Variants in AGBL4 observed in about 807,000 individuals in gnomAD.
AGBL4 encodes AGBL carboxypeptidase 4, also known as cytosolic carboxypeptidase 6.
A neutral mutation model predicts 66.4 loss-of-function variants in AGBL4; 58 were observed. The ratio of observed to expected loss-of-function variants is 0.87; its 90% CI spans 0.71 to 1.09. The LOEUF (loss-of-function observed/expected upper bound fraction) is 1.09. Ranked by LOEUF, AGBL4 falls within the 50% of genes least tolerant of loss-of-function variation. The probability of loss-of-function intolerance (pLI) is 0.00; values close to 1 mark genes in which losing one functional copy is unlikely to be tolerated. For missense variants in AGBL4, 579 were observed against 631.0 expected (o/e 0.92, Z 0.88); for synonymous variants, 234 against 222.9 (o/e 1.05, Z -0.44).
At chr1:48,847,484 G>A (rs1646947191) in intron 6 of AGBL4, among the ~76,000 whole-genome samples, 2 of 151,632 alleles carry the variant, frequency 1.3e-5, no homozygotes, top group South Asian at 4.2e-4. Context: ...GTGATCCTGA[G>A]TGAATCACAC....
intron 6 of AGBL4, among the ~76,000 whole-genome samples, chr1:48,856,960 T>C (rs1175055861): frequency 2.0e-5 from 3 of 152,138 alleles, no homozygotes; most frequent in Non-Finnish European, 2.9e-5. Context: ...ACAGATGAAG[T>C]GATATTTCTA....
At chr1:49,752,722 A>G (rs943048676) in intron 2 of AGBL4, among the ~76,000 whole-genome samples, 5 of 152,162 alleles carry the variant, frequency 3.3e-5, no homozygotes, top group African/African-American at 1.2e-4. Context: ...GTAGGTCTCA[A>G]AAAACTTGCT....
chr1:49,706,912 T>C (rs1045115095), intron 2 of AGBL4, among the ~76,000 whole-genome samples: 2 of 152,200 alleles, frequency 1.3e-5, no homozygotes, highest in African/African-American at 4.8e-5. Context: ...TGAAAGACTG[T>C]TTCTTATGAT....
chr1:49,922,462 G>A (rs186667236), intron 1 of AGBL4, among the ~76,000 whole-genome samples: 5 of 152,154 alleles, frequency 3.3e-5, no homozygotes, highest in East Asian at 1.9e-4. Flanking sequence ...CAGGGCAATC[G>A]GGAGAGAGAA....
chr1:48,709,522 A>G (rs1646930766), intron 6 of AGBL4, among the ~76,000 whole-genome samples: 1 of 151,922 alleles, frequency 6.6e-6, no homozygotes, highest in South Asian at 2.1e-4. Flanking sequence ...CTTGCATTGC[A>G]CTTTACTTTT....
At chr1:49,202,944 A>C (rs893105604) in intron 4 of AGBL4, among the ~76,000 whole-genome samples, 6 of 152,052 alleles carry the variant, frequency 3.9e-5, no homozygotes, top group African/African-American at 1.4e-4. Flanking sequence ...AATGGGAAAA[A>C]GAGTTGAACA....
chr1:48,742,763 T>A, intron 6 of AGBL4: 1 of 1,598,918 alleles, frequency 6.3e-7, no homozygotes, highest in South Asian at 1.1e-5. Flanking sequence ...TCCAGATCAA[T>A]GGCGGGACCT....
chr1:49,436,534 A>G (rs1393576615), intron 3 of AGBL4, among the ~76,000 whole-genome samples: 2 of 152,138 alleles, frequency 1.3e-5, no homozygotes, highest in Admixed American at 6.6e-5. Context: ...TCATCCATAT[A>G]TCCTCATTGA....
At chr1:49,698,870 T>G (rs1647035604) in intron 2 of AGBL4, among the ~76,000 whole-genome samples, 1 of 152,068 alleles carries the variant, frequency 6.6e-6, no homozygotes, top group African/African-American at 2.4e-5. Flanking sequence ...TATCTTAAAA[T>G]TACTGTGGCA....
At chr1:49,925,017 G>A (rs1038202975) in intron 1 of AGBL4, among the ~76,000 whole-genome samples, 8 of 152,198 alleles carry the variant, frequency 5.3e-5, no homozygotes, top group African/African-American at 1.9e-4. Flanking sequence ...GGGAAGAAGA[G>A]GAGCCAGGTA....
intron 1 of AGBL4, among the ~76,000 whole-genome samples, chr1:49,988,942 T>C (rs1365732463): frequency 2.0e-5 from 3 of 152,160 alleles, no homozygotes; most frequent in African/African-American, 7.2e-5. Flanking sequence ...TTTTTGAATA[T>C]CCAGATAACA....
At chr1:49,972,229 G>A (rs1408711643) in intron 1 of AGBL4, among the ~76,000 whole-genome samples, 1 of 151,836 alleles carries the variant, frequency 6.6e-6, no homozygotes, top group Admixed American at 6.6e-5. Flanking sequence ...TTTTTTAGAT[G>A]CATATATTGC....
chr1:49,304,139 T>C (rs1246418542), intron 3 of AGBL4, among the ~76,000 whole-genome samples: 1 of 152,216 alleles, frequency 6.6e-6, no homozygotes, highest in Non-Finnish European at 1.5e-5. Flanking sequence ...TTAATCCATC[T>C]TGAGTTAATT....
intron 5 of AGBL4, among the ~76,000 whole-genome samples, chr1:49,026,716 T>C (rs182508951): frequency 1.1e-4 from 17 of 152,326 alleles, no homozygotes; most frequent in Middle Eastern, 6.8e-3. Context: ...ATTTCTATTA[T>C]GAACTTAAAT....
intron 3 of AGBL4, among the ~76,000 whole-genome samples, chr1:49,628,587 G>A (rs1216206639): frequency 5.9e-5 from 9 of 152,126 alleles, no homozygotes; most frequent in Non-Finnish European, 1.2e-4. Flanking sequence ...ACCCTGTGGT[G>A]TACTGTGTCT....
intron 4 of AGBL4, among the ~76,000 whole-genome samples, chr1:49,086,654 C>A (rs1465658042): frequency 6.6e-6 from 1 of 151,908 alleles, no homozygotes; most frequent in Non-Finnish European, 1.5e-5. Flanking sequence ...TGCAGAAACA[C>A]CTAGACAGCA....
chr1:49,133,965 A>G (rs928983862), intron 4 of AGBL4, among the ~76,000 whole-genome samples: 2 of 152,060 alleles, frequency 1.3e-5, no homozygotes, highest in Admixed American at 6.6e-5. Context: ...CCAGCCCCCA[A>G]TATTTCAACA....
chr1:49,845,539 T>C, intron 2 of AGBL4: 1 of 1,592,750 alleles, frequency 6.3e-7, no homozygotes, highest in Admixed American at 1.7e-5. Context: ...TAGCTAGTCC[T>C]TGACCAAACA....
chr1:49,385,120 A>C (rs1644709822), intron 3 of AGBL4, among the ~76,000 whole-genome samples: 1 of 152,186 alleles, frequency 6.6e-6, no homozygotes, highest in South Asian at 2.1e-4. Flanking sequence ...CTCTAGAAAT[A>C]GAAAATATAT....
Sources: gnomAD v4.1 joint callset for allele counts (sites outside exome capture counted in the v4.1 genomes callset) on GRCh38, gnomAD v4.1.1 for gene constraint, MANE v1.5 for transcripts, NCBI Gene and HGNC (gene_info 2026-07-23, HGNC 2026-07-21) for gene names.